KCNB2: variants seen among roughly 807,000 people sequenced by gnomAD.
KCNB2 encodes the protein delayed rectifier potassium channel protein.
Under a neutral mutation model 61.5 loss-of-function variants are expected in KCNB2, and 15 were observed. The ratio of observed to expected loss-of-function variants is 0.24; its 90% CI spans 0.16 to 0.38. The LOEUF is 0.38. Among genes scored for constraint, KCNB2 ranks in the 10% least tolerant of loss-of-function variants. KCNB2 has a pLI of 1.00. For missense variants in KCNB2, 828 were observed against 1,125.2 expected, an observed-to-expected ratio of 0.74 and a Z score of 3.78; for synonymous variants, 457 against 446.0, an observed-to-expected ratio of 1.02 and a Z score of -0.31.
chr8:72,601,214 TCAC>T (rs1412859536), intron 2 of KCNB2, among the ~76,000 whole-genome samples: 1 of 152,232 alleles, frequency 6.6e-6, no homozygotes, highest in Non-Finnish European at 1.5e-5. Context: ...TACTTGACTT[TCAC>T]CATTTGTGTT....
At chr8:72,781,582 G>C (rs111556986) in intron 2 of KCNB2, among the ~76,000 whole-genome samples, 2 of 152,086 alleles carry the variant, frequency 1.3e-5, no homozygotes, top group Non-Finnish European at 2.9e-5. Flanking sequence ...GTCTGTTTTT[G>C]TACCAGTACC....
intron 1 of KCNB2, among the ~76,000 whole-genome samples, chr8:72,564,065 C>T (rs1466681198): frequency 6.6e-6 from 1 of 152,140 alleles, no homozygotes; most frequent in East Asian, 1.9e-4. Flanking sequence ...AACACTGGAT[C>T]TCTTATAATA....
At chr8:72,834,936 G>A (rs913553965) in intron 2 of KCNB2, among the ~76,000 whole-genome samples, 1 of 152,132 alleles carries the variant, frequency 6.6e-6, no homozygotes, top group South Asian at 2.1e-4. Context: ...TCCAAATAGT[G>A]CCAGTGCTAA....
chr8:72,708,959 T>G (rs1807278590), intron 2 of KCNB2, among the ~76,000 whole-genome samples: 1 of 152,214 alleles, frequency 6.6e-6, no homozygotes, highest in Non-Finnish European at 1.5e-5. Context: ...TTCTACCTTG[T>G]GGACATCAAT....
At chr8:72,628,461 G>A (rs578016661) in intron 2 of KCNB2, among the ~76,000 whole-genome samples, 1 of 149,190 alleles carries the variant, frequency 6.7e-6, no homozygotes, top group Non-Finnish European at 1.5e-5. Flanking sequence ...CACTTAAAGG[G>A]GTAGCTGATA....
intron 2 of KCNB2, among the ~76,000 whole-genome samples, chr8:72,665,104 T>C (rs1032232613): frequency 6.6e-6 from 1 of 152,210 alleles, no homozygotes; most frequent in Non-Finnish European, 1.5e-5. Context: ...CCGGAGGGTA[T>C]TGACTGGGGC....
At chr8:72,627,556 T>C (rs1373886003) in intron 2 of KCNB2, among the ~76,000 whole-genome samples, 1 of 152,212 alleles carries the variant, frequency 6.6e-6, no homozygotes, top group Non-Finnish European at 1.5e-5. Flanking sequence ...TCTTGTTTTT[T>C]TTATGCATGA....
chr8:72,606,003 T>A (rs1805441758), intron 2 of KCNB2, among the ~76,000 whole-genome samples: 1 of 152,166 alleles, frequency 6.6e-6, no homozygotes, highest in Non-Finnish European at 1.5e-5. Context: ...AACAACCTAC[T>A]TTTTCAGTTG....
intron 2 of KCNB2, among the ~76,000 whole-genome samples, chr8:72,651,434 G>A (rs931702218): frequency 6.6e-6 from 1 of 152,068 alleles, no homozygotes; most frequent in Non-Finnish European, 1.5e-5. Context: ...GTGGAATTAT[G>A]AATTTGAAGT....
At chr8:72,599,515 A>T (rs373619590) in intron 2 of KCNB2, among the ~76,000 whole-genome samples, 8 of 152,316 alleles carry the variant, frequency 5.3e-5, no homozygotes, top group Non-Finnish European at 7.4e-5. Flanking sequence ...AACCTAGGCA[A>T]TACCATTCAG....
rs531759845 is a variant in KCNB2, at chr8:72,774,156, A to G, written c.580-161779A>G. 3.9e-5 allele frequency among the ~76,000 whole-genome samples: 6 copies of G among 152,306 alleles called. No individual in the cohort carries two copies. In the South Asian group the frequency reaches 1.2e-3, roughly 32 times the overall value. On this transcript the variant is annotated intron_variant, in intron 2 of 2. Coordinates refer to ENST00000523207, the MANE Select transcript of KCNB2 (RefSeq NM_004770.3). ...CTGAGGCACAGAAAGTAACTTGCCT[A>G]TGATGAGTCATGGGGTTAGTGGGTG...
intron 2 of KCNB2, among the ~76,000 whole-genome samples, chr8:72,850,317 T>C (rs1177201999): frequency 6.6e-6 from 1 of 151,820 alleles, no homozygotes; most frequent in African/African-American, 2.4e-5. Flanking sequence ...CCTCCCAGGT[T>C]CAAGCCATCT....
Position 72,631,638 on chromosome 8 carries a change from G to A in KCNB2, c.579+63325G>A, listed in dbSNP as rs73688729. Among the ~76,000 whole-genome samples the A allele has an allele frequency of 2.3e-3, 346 of 152,200 alleles. 1 individual carries two copies. Among genetic ancestry groups the A allele is most frequent in the African/African-American group, 7.9e-3 (330 of 41,510 alleles). Reference sequence around the variant, plus strand: ...TTAAGACTTCAACGTAACTTTGTGGGGAGGACACAATTCAACCCATAACAG... The same window carrying A: ...TTAAGACTTCAACGTAACTTTGTGGAGAGGACACAATTCAACCCATAACAG... On this transcript the variant is annotated intron_variant, in intron 2 of 2. Coordinates refer to ENST00000523207, the MANE Select transcript of KCNB2 (RefSeq NM_004770.3).
At chr8:72,573,830 T>C (rs1423545220) in intron 2 of KCNB2, among the ~76,000 whole-genome samples, 2 of 152,242 alleles carry the variant, frequency 1.3e-5, no homozygotes, top group Non-Finnish European at 2.9e-5. Context: ...CGCAGTACTC[T>C]CATTCTTATC....
chr8:72,590,034 G>A (rs1807070028), intron 2 of KCNB2, among the ~76,000 whole-genome samples: 2 of 151,674 alleles, frequency 1.3e-5, no homozygotes, highest in Non-Finnish European at 2.9e-5. Context: ...TTTCACTGAC[G>A]TATAGTAAAA....
intron 2 of KCNB2, among the ~76,000 whole-genome samples, chr8:72,927,445 A>G (rs1806674088): frequency 6.6e-6 from 1 of 151,892 alleles, no homozygotes; most frequent in African/African-American, 2.4e-5. Context: ...TAATTTTTGT[A>G]TGTTTAGTAG....
intron 2 of KCNB2, among the ~76,000 whole-genome samples, chr8:72,652,088 C>A (rs1357114772): frequency 6.6e-6 from 1 of 152,134 alleles, no homozygotes; most frequent in East Asian, 1.9e-4. Flanking sequence ...ACCTTCCCAC[C>A]ACTAGTCCAA....
At chr8:72,595,668 T>G (rs1807178194) in intron 2 of KCNB2, among the ~76,000 whole-genome samples, 1 of 152,122 alleles carries the variant, frequency 6.6e-6, no homozygotes. Flanking sequence ...ACCTCATATG[T>G]CCCTAGCTCT....
chr8:72,594,809 A>G (rs2128981790), intron 2 of KCNB2, among the ~76,000 whole-genome samples: 1 of 152,338 alleles, frequency 6.6e-6, no homozygotes, highest in Admixed American at 6.5e-5. Flanking sequence ...AAACAGTATA[A>G]TAAACCATTT....
Sources: gnomAD v4.1 joint callset for allele counts (sites outside exome capture counted in the v4.1 genomes callset) on GRCh38, gnomAD v4.1.1 for gene constraint, MANE v1.5 for transcripts, NCBI Gene and HGNC (gene_info 2026-07-23, HGNC 2026-07-21) for gene names.